The following TOM1L2 variants were observed in gnomAD, a reference collection of about 807,000 sequenced individuals.
The protein encoded by TOM1L2 is target of myb1 like 2 membrane trafficking protein.
TOM1L2 carries 31 observed loss-of-function variants against 67.9 expected under a neutral mutation model. The observed-to-expected ratio is 0.46, with a 90% confidence interval of 0.34 to 0.62. The LOEUF (loss-of-function observed/expected upper bound fraction) is 0.62, where lower values mean the gene tolerates loss of function less well. TOM1L2 is among the 20% of genes least tolerant of loss of function. TOM1L2 has a pLI of 0.01. For missense variants in TOM1L2, 606 were observed against 663.5 expected, an observed-to-expected ratio of 0.91 and a Z score of 0.95; for synonymous variants, 256 against 254.0, an observed-to-expected ratio of 1.01 and a Z score of -0.07.
chr17:17,868,835 C>T (rs1482781756), intron 8 of TOM1L2: 1 of 156,816 alleles, frequency 6.4e-6, no homozygotes, highest in Non-Finnish European at 1.4e-5. Context: ...CCGGCACTTA[C>T]ACCCGCCTGC....
At chr17:17,870,157 T>G (rs2037075156) in intron 7 of TOM1L2, among the ~76,000 whole-genome samples, 1 of 152,176 alleles carries the variant, frequency 6.6e-6, no homozygotes, top group Admixed American at 6.5e-5. Flanking sequence ...GTCTGCCACT[T>G]TGCCGAGACC....
intron 6 of TOM1L2, among the ~76,000 whole-genome samples, chr17:17,880,036 G>A (rs2037638115): frequency 6.6e-6 from 1 of 152,176 alleles, no homozygotes; most frequent in African/African-American, 2.4e-5. Context: ...CACCAAGCTG[G>A]CTCTCCGTCT....
At chr17:17,934,262 T>C (rs1416483068) in intron 1 of TOM1L2, among the ~76,000 whole-genome samples, 2 of 152,116 alleles carry the variant, frequency 1.3e-5, no homozygotes, top group Middle Eastern at 3.2e-3. Context: ...CTGGGCAACA[T>C]AGTGAGACTT....
chr17:17,875,571 T>C (rs2037383247), intron 7 of TOM1L2, among the ~76,000 whole-genome samples: 1 of 152,222 alleles, frequency 6.6e-6, no homozygotes, highest in Admixed American at 6.5e-5. Context: ...TTTGGCCTTC[T>C]CCCATTTCTG....
intron 1 of TOM1L2, among the ~76,000 whole-genome samples, chr17:17,954,638 A>G (rs770046435): frequency 1.9e-4 from 29 of 152,058 alleles, no homozygotes; most frequent in Non-Finnish European, 4.0e-4. Context: ...TCTAAAGGAG[A>G]TGGGGAGTTC....
chr17:17,856,855 G>C (rs1169499286), intron 12 of TOM1L2, among the ~76,000 whole-genome samples: 5 of 152,218 alleles, frequency 3.3e-5, no homozygotes, highest in Non-Finnish European at 7.3e-5. Context: ...GACCCTTGCA[G>C]GTCTGTGGGC....
chr17:17,852,229 C>T (rs55784499), intron 12 of TOM1L2, among the ~76,000 whole-genome samples: 2,746 of 152,314 alleles, frequency 0.018, 39 homozygotes, highest in Non-Finnish European at 0.03. Flanking sequence ...AAAAATAACA[C>T]GACCTTCACA....
At chr17:17,882,140 T>C (rs2144050473) in intron 6 of TOM1L2, among the ~76,000 whole-genome samples, 1 of 152,300 alleles carries the variant, frequency 6.6e-6, no homozygotes, top group South Asian at 2.1e-4. Flanking sequence ...GCAGGCTTCT[T>C]GTGCTTCAGG....
intron 10 of TOM1L2, among the ~76,000 whole-genome samples, chr17:17,864,312 G>A (rs1034319050): frequency 2.6e-5 from 4 of 151,070 alleles, no homozygotes; most frequent in Non-Finnish European, 4.4e-5. Flanking sequence ...CCGGGTTCAC[G>A]CCATTCTCCT....
chr17:17,889,491 G>A (rs1374167380), intron 4 of TOM1L2, among the ~76,000 whole-genome samples: 3 of 152,176 alleles, frequency 2.0e-5, no homozygotes, highest in Admixed American at 1.3e-4. Flanking sequence ...TCTGGCTGCA[G>A]CTCTGCTTCC....
chr17:17,960,721 C>CA (rs2041644485), intron 1 of TOM1L2, among the ~76,000 whole-genome samples: 3 of 151,772 alleles, frequency 2.0e-5, no homozygotes, highest in South Asian at 2.1e-4. Context: ...AGTCTGTCTC[C>CA]AAAAAAACAA....
intron 1 of TOM1L2, among the ~76,000 whole-genome samples, chr17:17,929,491 C>T (rs536359221): frequency 6.6e-6 from 1 of 151,962 alleles, no homozygotes; most frequent in Admixed American, 6.6e-5. Context: ...ATTAGCCAGG[C>T]GTGGTGGAAT....
At chr17:17,871,862 T>C in intron 7 of TOM1L2, 1 of 641,008 alleles carries the variant, frequency 1.6e-6, no homozygotes, top group Non-Finnish European at 1.9e-6. Context: ...TAAGCACTTA[T>C]AAACATACAG....
At chr17:17,849,120 A>AG (rs1381231324) in intron 13 of TOM1L2, among the ~76,000 whole-genome samples, 2 of 152,250 alleles carry the variant, frequency 1.3e-5, no homozygotes, top group African/African-American at 4.8e-5. Context: ...AAGGCTGGAA[A>AG]GAAAACTCCA....
chr17:17,870,333 T>C (rs902925780), intron 7 of TOM1L2, among the ~76,000 whole-genome samples: 4 of 152,152 alleles, frequency 2.6e-5, no homozygotes, highest in African/African-American at 9.7e-5. Flanking sequence ...AACAGCAGAC[T>C]TACTGATGCC....
chr17:17,921,290 A>C (rs2039857507), intron 1 of TOM1L2, among the ~76,000 whole-genome samples: 1 of 152,142 alleles, frequency 6.6e-6, no homozygotes, highest in African/African-American at 2.4e-5. Flanking sequence ...CAGCCAAACA[A>C]CAGAGAAAAC....
chr17:17,881,350 T>C (rs1419685177), intron 6 of TOM1L2, among the ~76,000 whole-genome samples: 5 of 152,192 alleles, frequency 3.3e-5, no homozygotes, highest in Admixed American at 3.3e-4. Context: ...GCTTGCATTC[T>C]GCTCTCCAAG....
chr17:17,866,929 C>G lies in TOM1L2; in HGVS notation c.912-5G>C, dbSNP rs1468059771. 1 of 1,613,820 alleles carries G rather than the reference C, an allele frequency of 6.2e-7. No homozygotes were observed. Among genetic ancestry groups the G allele is most frequent in the Non-Finnish European group, 8.5e-7 (1 of 1,179,908 alleles). ...CCAGACCTGTATCGTTCGAACCTAA[C>G]AGGGGAAGGGAAAGCAGAAGTAAGG... On this transcript the variant is annotated splice_polypyrimidine_tract_variant and splice_region_variant and intron_variant, in intron 8 of 14. Coordinates refer to ENST00000379504, the MANE Select transcript of TOM1L2 (RefSeq NM_001082968.2).
intron 1 of TOM1L2, among the ~76,000 whole-genome samples, chr17:17,930,439 G>C (rs755135730): frequency 6.6e-6 from 1 of 152,132 alleles, no homozygotes; most frequent in African/African-American, 2.4e-5. Context: ...AGACCCTCAC[G>C]GTAGACAGAC....
Sources: gnomAD v4.1 joint callset for allele counts (sites outside exome capture counted in the v4.1 genomes callset) on GRCh38, gnomAD v4.1.1 for gene constraint, MANE v1.5 for transcripts, NCBI Gene and HGNC (gene_info 2026-07-23, HGNC 2026-07-21) for gene names.